NOL11: variants seen among roughly 807,000 people sequenced by gnomAD.
NOL11 encodes nucleolar protein 11.
NOL11 carries 42 observed loss-of-function variants against 93.0 expected under a neutral mutation model. The ratio of observed to expected loss-of-function variants is 0.45; its 90% CI spans 0.35 to 0.58. The LOEUF (loss-of-function observed/expected upper bound fraction) is 0.58, where lower values mean the gene tolerates loss of function less well. Among genes scored for constraint, NOL11 ranks in the 20% least tolerant of loss-of-function variants. The probability of loss-of-function intolerance (pLI) is 0.00; values close to 1 mark genes in which losing one functional copy is unlikely to be tolerated. For missense variants in NOL11, 775 were observed against 841.8 expected, an observed-to-expected ratio of 0.92 and a Z score of 0.98; for synonymous variants, 296 against 293.7, an observed-to-expected ratio of 1.01 and a Z score of -0.08.
chr17:67,735,961 A>G lies in NOL11; in HGVS notation c.992A>G (p.Tyr331Cys), dbSNP rs761656261. 10 of 1,612,174 alleles carry G rather than the reference A, an allele frequency of 6.2e-6. No homozygotes were observed. The highest frequency in any genetic ancestry group is 4.5e-5 in the East Asian group (2 of 44,812). ...GGAAAATCTCTAACTGTGATTCCAT[A>G]CAAGTGTGAAGTGTCATCATTAGCA... Reference protein sequence around the residue: ...LHGKSLTVIPYKCEVSSLAGA... With the variant: ...LHGKSLTVIPCKCEVSSLAGA... Residue 331 changes from tyrosine to cysteine, a missense_variant, in exon 9 of 18, where the codon TAC becomes TGC. Physicochemically the swap from Tyr to Cys is radical, Grantham distance 194. Around this residue, in one of 2 missense-constraint regions of NOL11, gnomAD observed 416 missense variants for 525.2 expected, o/e 0.79. Coordinates refer to ENST00000253247, the MANE Select transcript of NOL11 (RefSeq NM_015462.5).
intron 6 of NOL11, among the ~76,000 whole-genome samples, chr17:67,724,468 G>A (rs12939205): frequency 0.81 from 123,204 of 151,700 alleles, 50,440 homozygotes; most frequent in Middle Eastern, 0.87. Flanking sequence ...TGAGTAGCTG[G>A]GATTACAGGC....
chr17:67,737,540 A>G lies in NOL11; in HGVS notation c.1251A>G (p.Val417=). Residue 417 remains valine (V), a synonymous_variant, in exon 12 of 18, where the codon GTA becomes GTG. Transcript: ENST00000253247. ...CAGAAAAACACATTGAAGTAGAAGT[A>G]CGGAAATTTTTGGCTCTGAAGCAGA... ...KDSEKHIEVE[V]RKFLALKQTP... is the part of the protein sequence containing the mutation. 3 of 1,608,200 alleles carry G rather than the reference A, an allele frequency of 1.9e-6. No homozygotes were observed. Among genetic ancestry groups the G allele is most frequent in the Middle Eastern group, 1.7e-4 (1 of 6,036 alleles).
chr17:67,724,451 A>G (rs1430038861), intron 6 of NOL11, among the ~76,000 whole-genome samples: 1 of 151,074 alleles, frequency 6.6e-6, no homozygotes, highest in East Asian at 2.0e-4. Context: ...CTCCTGCCTC[A>G]GCCTCCTGAG....
In NOL11 at chr17:67,734,386, A is replaced by C; in HGVS notation, c.877A>C (p.Lys293Gln). 6.2e-7 allele frequency: 1 copy of C among 1,608,254 alleles called. No individual in the cohort carries two copies. The highest frequency in any genetic ancestry group is 8.5e-7 in the Non-Finnish European group (1 of 1,175,002). The change falls in exon 8 of 18, where the codon AAA (lysine) becomes CAA (glutamine). Residue 293 changes from lysine to glutamine, a missense_variant. Transcript: ENST00000253247. Reference sequence around the variant, plus strand: ...AGAATGCCTCTCTGTATGGAACATAAAATTTCAAACACTACAGACTTCAAA... The same window carrying C: ...AGAATGCCTCTCTGTATGGAACATACAATTTCAAACACTACAGACTTCAAA... ...SKECLSVWNIKFQTLQTSKEL... is the reference protein window; with the variant it reads ...SKECLSVWNIQFQTLQTSKEL...
rs544293409 is a variant in NOL11 at position 67,733,875 on chromosome 17, G to A, written c.854-488G>A. On this transcript the variant is annotated intron_variant, in intron 7 of 17. Transcript: ENST00000253247. ...TTGGTCATGGATCTTAATATTTCCC[G>A]TTGGATTTGGTTTGTTGGTATTTTG... 1.4e-4 allele frequency among the ~76,000 whole-genome samples: 21 copies of A among 151,990 alleles called. No individual in the cohort carries two copies. The South Asian group carries it at 1.7e-3, about 12-fold the overall frequency.
At chr17:67,735,511 T>A (rs1053294236) in intron 8 of NOL11, among the ~76,000 whole-genome samples, 2 of 152,058 alleles carry the variant, frequency 1.3e-5, no homozygotes, top group Admixed American at 1.3e-4. Flanking sequence ...CCTGTCTTAT[T>A]TTTACAATCA....
At chr17:67,734,732 G>C (rs912150173) in intron 8 of NOL11, among the ~76,000 whole-genome samples, 19 of 152,174 alleles carry the variant, frequency 1.2e-4, no homozygotes, top group African/African-American at 4.6e-4. Context: ...TTTGAGCCCA[G>C]GAGTTCAAGG....
At chr17:67,732,405 C>T (rs1241558810) in intron 7 of NOL11, among the ~76,000 whole-genome samples, 1 of 149,416 alleles carries the variant, frequency 6.7e-6, no homozygotes, top group Non-Finnish European at 1.5e-5. Flanking sequence ...GCAGGAGAAT[C>T]ACTTGAACCC....
rs763444418 is a variant in NOL11 at position 67,724,154 on chromosome 17, G to T, written c.625G>T (p.Ala209Ser). Residue 209 changes from alanine (A) to serine (S), a missense_variant, in exon 6 of 18, where the codon GCA becomes TCA. Coordinates refer to ENST00000253247, the MANE Select transcript of NOL11 (RefSeq NM_015462.5). ...AAACTCTGTTATAAAGAGTTTTACT[G>T]CATCTGTAGATCGGAAATTCATCTC... Reference protein sequence around the residue: ...DENSVIKSFTASVDRKFISLM... With the variant: ...DENSVIKSFTSSVDRKFISLM... 3 of 1,581,326 alleles carry T rather than the reference G, an allele frequency of 1.9e-6. No individual in the cohort carries two copies. Among genetic ancestry groups the T allele is most frequent in the Admixed American group, 3.9e-5 (2 of 50,948 alleles).
intron 16 of NOL11, among the ~76,000 whole-genome samples, chr17:67,740,012 G>T (rs1289328512): frequency 6.6e-6 from 1 of 152,098 alleles, no homozygotes; most frequent in South Asian, 2.1e-4. Flanking sequence ...GAGGCGGGAG[G>T]ATCACTTGAG....
chr17:67,737,463 A>C (rs368410111), intron 11 of NOL11, 45 bp from the exon 12 acceptor site: 1 of 1,476,252 alleles, frequency 6.8e-7, no homozygotes, highest in African/African-American at 1.4e-5. Context: ...TCAGAGTGAC[A>C]TTCGTTAATG....
intron 6 of NOL11, 60 bp downstream of exon 6, chr17:67,724,253 G>T: frequency 2.0e-6 from 2 of 996,368 alleles, no homozygotes; most frequent in South Asian, 1.7e-5. Flanking sequence ...ATAGGATAGT[G>T]TATGTTTTTG....
Position 67,719,698 on chromosome 17 carries a change from A to T in NOL11, c.166A>T (p.Ser56Cys). The change falls in exon 2 of 18, where the codon AGC (serine) becomes TGC (cysteine). Residue 56 changes from serine (S) to cysteine (C), a missense_variant. By Grantham distance (112) the Ser-to-Cys change is moderately radical. This residue lies in a region of NOL11 where 359 missense variants were observed against 316.5 expected (regional missense o/e 1.13). Coordinates refer to ENST00000253247, the MANE Select transcript of NOL11 (RefSeq NM_015462.5). ...YKVSDQKPLG[S>C]WSVKQGQIIT... The stretch of plus-strand genomic sequence containing the variant: ...GGTTTCTGATCAGAAACCCTTGGGG[A>T]GCTGGTCAGTGAAACAAGGTCAAAT... The T allele has an allele frequency of 6.2e-7, 1 of 1,603,846 alleles. No homozygotes were observed. Among genetic ancestry groups the T allele is most frequent in the African/African-American group, 1.3e-5 (1 of 74,776 alleles).
At chr17:67,730,070 G>T (rs547196266) in intron 7 of NOL11, among the ~76,000 whole-genome samples, 1 of 152,084 alleles carries the variant, frequency 6.6e-6, no homozygotes, top group African/African-American at 2.4e-5. Flanking sequence ...CATCTACCTC[G>T]TTGCATGTAT....
In NOL11 at chr17:67,724,197, A is replaced by T. The variant is rs1220963353; in HGVS notation, c.664+4A>T. On this transcript the variant is annotated splice_donor_region_variant and intron_variant, in intron 6 of 17. Coordinates refer to ENST00000253247, the MANE Select transcript of NOL11 (RefSeq NM_015462.5). ...TTCATCTCTTTGATGTCATTAAGTA[A>T]GTTTTCTTTCTTTAAACTTTCAGAG... 6.5e-7 allele frequency: 1 copy of T among 1,531,334 alleles called. No homozygotes were observed. The allele number at this position is 1,531,334 out of a possible 1,614,324, so 94.9% of individuals were successfully genotyped here.
chr17:67,734,187 AG>A lies in NOL11; in HGVS notation c.854-174del, dbSNP rs2055179971. On this transcript the variant is annotated intron_variant, in intron 7 of 17. Transcript: ENST00000253247. ...TCCCTTCCTCAGGGCTCACCTTTCC[AG>A]GCTTCTTCTTACCATGAGCTCTCAT... Among the ~76,000 whole-genome samples, 3 of 152,206 alleles carry A rather than the reference AG, an allele frequency of 2.0e-5. No individual in the cohort carries two copies. The East Asian group carries it at 5.8e-4, about 29-fold the overall frequency.
At chr17:67,729,099 TG>T (rs57684951) in intron 7 of NOL11, among the ~76,000 whole-genome samples, 7,168 of 53,450 alleles carry the variant, frequency 0.13, 453 homozygotes, top group East Asian at 0.49. Flanking sequence ...TTGTTGTTGT[TG>T]TTTTTTTTTT....
chr17:67,720,536 G>T (rs1215612473), intron 3 of NOL11: 2 of 152,284 alleles, frequency 1.3e-5, no homozygotes, highest in African/African-American at 4.8e-5. Context: ...CCTGACCTCA[G>T]ATGATCCACC....
intron 5 of NOL11, among the ~76,000 whole-genome samples, chr17:67,722,854 C>T (rs934596715): frequency 3.9e-5 from 6 of 151,926 alleles, no homozygotes; most frequent in African/African-American, 1.5e-4. Context: ...ACCATCCTGG[C>T]TTATGTTTTA....
Sources: gnomAD v4.1 joint callset for allele counts (sites outside exome capture counted in the v4.1 genomes callset) on GRCh38, gnomAD v4.1.1 for gene constraint, gnomAD v4.1.1 regional missense constraint, MANE v1.5 for transcripts, NCBI Gene and HGNC (gene_info 2026-07-23, HGNC 2026-07-21) for gene names.